Variants in PCDH15 observed in about 807,000 individuals in gnomAD.
The protein encoded by PCDH15 is protocadherin-15.
PCDH15 carries 129 observed loss-of-function variants against 178.5 expected under a neutral mutation model. The ratio of observed to expected loss-of-function variants is 0.72; its 90% CI spans 0.63 to 0.84. PCDH15 has a LOEUF of 0.84. Among genes scored for constraint, PCDH15 ranks in the 40% least tolerant of loss-of-function variants. The pLI, the probability that PCDH15 is intolerant of heterozygous loss-of-function variation, is 0.00. For synonymous variants in PCDH15, 800 were observed against 732.0 expected (o/e 1.09, Z -1.50); for missense variants, 2,230 against 2,099.9 (o/e 1.06, Z -1.21).
In PCDH15 at chr10:54,300,641, T is replaced by C. The variant is rs192538748; in HGVS notation, c.876+16630A>G. On this transcript the variant is annotated intron_variant, in intron 8 of 37. Coordinates refer to ENST00000644397, the MANE Select transcript of PCDH15 (RefSeq NM_001384140.1). ...GATTGAGAGGTGAAGCCAGCTGAGC[T>C]TCTGGGTCGGATGGGGGCTTGGAGA... Among the ~76,000 whole-genome samples, 638 of 152,234 alleles carry C rather than the reference T, an allele frequency of 4.2e-3. 8 individuals are homozygous for C. Among genetic ancestry groups the C allele is most frequent in the African/African-American group, 0.014 (599 of 41,536 alleles).
chr10:54,570,641 A>C (rs2089677956), intron 2 of PCDH15, among the ~76,000 whole-genome samples: 1 of 151,776 alleles, frequency 6.6e-6, no homozygotes, highest in South Asian at 2.1e-4. Context: ...AAAGTGCTTC[A>C]CTTGTGTCCA....
intron 3 of PCDH15, among the ~76,000 whole-genome samples, chr10:54,809,962 G>A (rs1056634163): frequency 1.3e-5 from 2 of 151,988 alleles, no homozygotes; most frequent in African/African-American, 2.4e-5. Context: ...GTACATTTTG[G>A]GGGAAACAAC....
At chr10:54,138,683 G>A (rs960727784) in intron 14 of PCDH15, among the ~76,000 whole-genome samples, 4 of 152,066 alleles carry the variant, frequency 2.6e-5, no homozygotes, top group African/African-American at 9.7e-5. Context: ...TGGAGTCTGG[G>A]GAGGTTTAGC....
At chr10:54,942,852 C>A (rs1218765142) in intron 2 of PCDH15, among the ~76,000 whole-genome samples, 1 of 151,798 alleles carries the variant, frequency 6.6e-6, no homozygotes, top group East Asian at 1.9e-4. Context: ...CATAAAATAC[C>A]CAAATGGAAA....
intron 1 of PCDH15, among the ~76,000 whole-genome samples, chr10:54,782,607 A>T (rs970707869): frequency 2.0e-5 from 3 of 152,010 alleles, no homozygotes; most frequent in Non-Finnish European, 4.4e-5. Context: ...TTTTTTGCTA[A>T]TATCTTTGGT....
chr10:54,015,115 C>A (rs2092701642), intron 20 of PCDH15, among the ~76,000 whole-genome samples: 1 of 152,190 alleles, frequency 6.6e-6, no homozygotes, highest in African/African-American at 2.4e-5. Flanking sequence ...TATGTACCAA[C>A]AACATCCAAG....
intron 11 of PCDH15, among the ~76,000 whole-genome samples, chr10:54,191,799 T>G (rs1012604349): frequency 1.3e-4 from 19 of 149,662 alleles, no homozygotes; most frequent in Admixed American, 1.1e-3. Context: ...TACAAGCCTG[T>G]AATCCCAGCT....
At chr10:55,513,209 T>C (rs1415512180) in intron 2 of PCDH15, 1 of 152,144 alleles carries the variant, frequency 6.6e-6, no homozygotes, top group African/African-American at 2.4e-5. Flanking sequence ...TAAAGATTTA[T>C]GAAAAGGCTA....
At chr10:54,937,752 A>C (rs1053620148) in intron 2 of PCDH15, among the ~76,000 whole-genome samples, 4 of 151,990 alleles carry the variant, frequency 2.6e-5, no homozygotes, top group African/African-American at 9.7e-5. Flanking sequence ...TTAATTAGGA[A>C]ATGAATTCCT....
rs199902554 is a variant in PCDH15 at position 54,953,622 on chromosome 10, CAA to C, written c.-79-56124_-79-56123del. On this transcript the variant is annotated intron_variant, in intron 2 of 5. Transcript: ENST00000458638. Reference sequence around the variant, plus strand: ...CTTCATAATATGCTTTGATATATATCAAGTCACTTCTAATAGTCTAAAATTAT... The same window carrying C: ...CTTCATAATATGCTTTGATATATATCGTCACTTCTAATAGTCTAAAATTAT... 7.5e-3 allele frequency among the ~76,000 whole-genome samples: 1,138 copies of C among 151,228 alleles called. 16 individuals carry two copies. Among genetic ancestry groups the C allele is most frequent in the African/African-American group, 0.026 (1,086 of 41,418 alleles).
chr10:54,912,176 A>G (rs1954830315), intron 2 of PCDH15, among the ~76,000 whole-genome samples: 4 of 152,146 alleles, frequency 2.6e-5, no homozygotes. Context: ...TTTCATATAT[A>G]TATTTATAAA....
At chr10:55,376,995 G>A (rs1335779994) in intron 2 of PCDH15, among the ~76,000 whole-genome samples, 2 of 151,814 alleles carry the variant, frequency 1.3e-5, no homozygotes, top group Non-Finnish European at 2.9e-5. Flanking sequence ...ATTTTAAAAG[G>A]AACACATTTT....
chr10:54,281,012 T>C (rs984331216), intron 8 of PCDH15, among the ~76,000 whole-genome samples: 5 of 151,912 alleles, frequency 3.3e-5, no homozygotes, highest in African/African-American at 1.2e-4. Context: ...TATGTATATA[T>C]ACACAGAAAT....
chr10:54,752,977 T>C (rs756775731), intron 1 of PCDH15, among the ~76,000 whole-genome samples: 11 of 152,190 alleles, frequency 7.2e-5, no homozygotes, highest in Non-Finnish European at 1.5e-4. Flanking sequence ...TCTAAATATA[T>C]ATTGACAATA....
chr10:54,677,313 A>G (rs2094807970), intron 1 of PCDH15, among the ~76,000 whole-genome samples: 1 of 152,280 alleles, frequency 6.6e-6, no homozygotes, highest in Admixed American at 6.5e-5. Context: ...CCAGGAGTTC[A>G]AGGTTACAGT....
chr10:54,763,320 G>C (rs1317259553), intron 1 of PCDH15, among the ~76,000 whole-genome samples: 1 of 152,116 alleles, frequency 6.6e-6, no homozygotes, highest in African/African-American at 2.4e-5. Flanking sequence ...ACAATTTGTA[G>C]CTCAGATTCC....
chr10:55,574,867 T>A (rs575064690), intron 2 of PCDH15, among the ~76,000 whole-genome samples: 7 of 152,080 alleles, frequency 4.6e-5, no homozygotes, highest in Non-Finnish European at 8.8e-5. Flanking sequence ...GTTATATTTC[T>A]GGCTCCCTTT....
At chr10:55,027,559 T>A (rs1840504144) in intron 2 of PCDH15, among the ~76,000 whole-genome samples, 1 of 151,654 alleles carries the variant, frequency 6.6e-6, no homozygotes, top group Admixed American at 6.6e-5. Context: ...TTGTTAAGAG[T>A]ATATATGAGA....
chr10:54,047,114 G>A (rs2093671793), intron 18 of PCDH15, among the ~76,000 whole-genome samples: 1 of 152,052 alleles, frequency 6.6e-6, no homozygotes, highest in Non-Finnish European at 1.5e-5. Flanking sequence ...GGGTTTGTGA[G>A]GCAAAATTAC....
Sources: gnomAD v4.1 joint callset for allele counts (sites outside exome capture counted in the v4.1 genomes callset) on GRCh38, gnomAD v4.1.1 for gene constraint, MANE v1.5 for transcripts, NCBI Gene and HGNC (gene_info 2026-07-23, HGNC 2026-07-21) for gene names.